WDR93: variants seen among roughly 807,000 people sequenced by gnomAD.
WDR93 encodes the protein WD repeat domain 93, also known as WD repeat-containing protein 93.
A neutral mutation model predicts 82.9 loss-of-function variants in WDR93; 73 were observed. The ratio of observed to expected loss-of-function variants is 0.88; its 90% CI spans 0.73 to 1.07. The LOEUF (loss-of-function observed/expected upper bound fraction) is 1.07, where lower values mean the gene tolerates loss of function less well. WDR93 is among the 50% of genes least tolerant of loss of function. WDR93 has a pLI of 0.00. For missense variants in WDR93, 738 were observed against 826.0 expected, an observed-to-expected ratio of 0.89 and a Z score of 1.31; for synonymous variants, 283 against 300.1, an observed-to-expected ratio of 0.94 and a Z score of 0.59.
At chr15:89,729,302 C>T (rs1011472872) in intron 10 of WDR93, among the ~76,000 whole-genome samples, 1 of 152,092 alleles carries the variant, frequency 6.6e-6, no homozygotes, top group Non-Finnish European at 1.5e-5. Context: ...GCTGGCACTG[C>T]CTTCAGGGAG....
At chr15:89,716,856 G>A (rs1452680790) in intron 6 of WDR93, 55 bp from the exon 7 acceptor site, 2 of 1,211,084 alleles carry the variant, frequency 1.7e-6, no homozygotes, top group East Asian at 4.9e-5. Context: ...GATTAAAGGG[G>A]GTGGTAAACA....
At chr15:89,702,573 C>T in intron 2 of WDR93, among the ~76,000 whole-genome samples, 1 of 151,640 alleles carries the variant, frequency 6.6e-6, no homozygotes. Context: ...GAGTTTCGCT[C>T]TTGTTGCCCA....
chr15:89,697,865 T>C (rs930563373), intron 1 of WDR93, among the ~76,000 whole-genome samples: 3 of 151,368 alleles, frequency 2.0e-5, no homozygotes, highest in Admixed American at 6.6e-5. Context: ...CTTGATCAAT[T>C]GACACTTTTA....
At chr15:89,742,243 A>AAATT (rs146275529) in intron 16 of WDR93, among the ~76,000 whole-genome samples, 5,462 of 152,134 alleles carry the variant, frequency 0.036, 365 homozygotes, top group African/African-American at 0.13. Context: ...TATAAATAAA[A>AAATT]AATTAATTAA....
rs368376283 is a variant in WDR93, at chr15:89,731,807, C to T, written c.1330+245C>T. Among the ~76,000 whole-genome samples the T allele has an allele frequency of 7.2e-5, 11 of 152,320 alleles. No individual in the cohort carries two copies. In the East Asian group the frequency reaches 1.5e-3, roughly 21 times the overall value. On this transcript the variant is annotated intron_variant, in intron 12 of 16. Coordinates refer to ENST00000268130, the MANE Select transcript of WDR93 (RefSeq NM_020212.2). The stretch of plus-strand genomic sequence containing the variant: ...TGACTTCTCTGAGCCTGGCACTGTA[C>T]TAGGCTCTGGAAGTATGATCATTGC...
intron 7 of WDR93, among the ~76,000 whole-genome samples, chr15:89,719,288 C>T (rs1308671031): frequency 3.9e-5 from 6 of 152,162 alleles, no homozygotes; most frequent in African/African-American, 1.4e-4. Context: ...ACATGTTGCT[C>T]AGGCTGGGCA....
At position 89,743,393 on chromosome 15, in the gene WDR93, G is replaced by A. The variant is rs761922891; in HGVS notation, c.*2G>A. 4 of 1,614,088 alleles carry A rather than the reference G, an allele frequency of 2.5e-6. No homozygotes were observed. The highest frequency in any genetic ancestry group is 3.4e-6 in the Non-Finnish European group (4 of 1,180,004). ...CAGAGAGAGAACTTCAAGAAGTGAG[G>A]CTGCCACCGCCCTGGGATCTCTGAA... On this transcript the variant is annotated 3_prime_UTR_variant, in exon 17 of 17. Coordinates refer to ENST00000268130, the MANE Select transcript of WDR93 (RefSeq NM_020212.2).
rs146584144 is a variant in WDR93 at position 89,736,670 on chromosome 15, G to A, written c.1609-903G>A. ...GAAAAACCAAGAACATGGTGGAGAC[G>A]AGTGGCTGAAGCTGGGAGACAGACG... On this transcript the variant is annotated intron_variant, in intron 14 of 16. Transcript: ENST00000268130. Among the ~76,000 whole-genome samples, 1,141 of 152,210 alleles carry A rather than the reference G, an allele frequency of 7.5e-3. 18 individuals carry two copies. Among genetic ancestry groups the A allele is most frequent in the African/African-American group, 0.026 (1,088 of 41,524 alleles).
At chr15:89,698,966 C>T (rs963368567) in intron 1 of WDR93, among the ~76,000 whole-genome samples, 1 of 152,182 alleles carries the variant, frequency 6.6e-6, no homozygotes, top group African/African-American at 2.4e-5. Context: ...TGGCTCACTG[C>T]AGCCTTGACC....
chr15:89,698,176 A>T (rs1261469330), intron 1 of WDR93, among the ~76,000 whole-genome samples: 1 of 151,986 alleles, frequency 6.6e-6, no homozygotes, highest in East Asian at 1.9e-4. Flanking sequence ...GAACCACTGC[A>T]CCCGGCCCAC....
intron 13 of WDR93, among the ~76,000 whole-genome samples, chr15:89,734,776 G>A (rs1201848265): frequency 6.6e-6 from 1 of 150,566 alleles, no homozygotes; most frequent in East Asian, 2.0e-4. Context: ...CTTGAGCTCA[G>A]GAGTTCAAGA....
intron 7 of WDR93, among the ~76,000 whole-genome samples, chr15:89,718,362 T>C (rs1320695728): frequency 1.3e-5 from 2 of 151,938 alleles, no homozygotes; most frequent in African/African-American, 4.8e-5. Context: ...TAATCTCAGC[T>C]ACTCAGGAGG....
Position 89,735,482 on chromosome 15 carries a change from T to C in WDR93, c.1545-8T>C. ...TAGGAGAATGTCTGTATATTTTCTG[T>C]CCTATAGGCCTGTAAAGCACCTGGA... On this transcript the variant is annotated splice_region_variant and splice_polypyrimidine_tract_variant and intron_variant, in intron 13 of 16. Coordinates refer to ENST00000268130, the MANE Select transcript of WDR93 (RefSeq NM_020212.2). 1 of 1,614,010 alleles carries C rather than the reference T, an allele frequency of 6.2e-7. No homozygotes were observed. The highest frequency in any genetic ancestry group is 1.1e-5 in the South Asian group (1 of 91,072).
At chr15:89,716,257 A>T (rs923697626) in intron 6 of WDR93, among the ~76,000 whole-genome samples, 2 of 152,190 alleles carry the variant, frequency 1.3e-5, no homozygotes, top group South Asian at 2.1e-4. Context: ...CACTTCTCAC[A>T]TACTGCCTAG....
chr15:89,693,195 A>T (rs767415338), intron 1 of WDR93, among the ~76,000 whole-genome samples: 62 of 152,234 alleles, frequency 4.1e-4, no homozygotes, highest in Non-Finnish European at 7.8e-4. Context: ...TTGATGTGAA[A>T]CATAAGTTTT....
chr15:89,728,925 TCTAA>T (rs1966839117), intron 9 of WDR93, 94 bp from the exon 10 acceptor site: 7 of 1,060,520 alleles, frequency 6.6e-6, no homozygotes, highest in Non-Finnish European at 1.0e-5. Flanking sequence ...GAAGGTCCAT[TCTAA>T]CTATCTATTC....
At chr15:89,740,256 T>G (rs1416960268) in intron 16 of WDR93, among the ~76,000 whole-genome samples, 1 of 152,190 alleles carries the variant, frequency 6.6e-6, no homozygotes, top group African/African-American at 2.4e-5. Context: ...ATAGCTCCTC[T>G]CCGCTTCCTA....
chr15:89,738,111 T>C lies in WDR93; in HGVS notation c.1836T>C (p.Phe612=). The C allele has an allele frequency of 1.2e-6, 2 of 1,614,176 alleles. No homozygotes were observed. The highest frequency in any genetic ancestry group is 1.7e-6 in the Non-Finnish European group (2 of 1,180,014). ...AATATTCTGTTTTCTATTTTAATTT[T>C]GAGGCCTGCCCACTCCTGGAAAATA... is the stretch of plus-strand genomic sequence containing the variant. The part of the protein sequence containing the change: ...GIQYSVFYFN[F]EACPLLENIS... Residue 612 remains phenylalanine, a synonymous_variant, in exon 16 of 17, where the codon TTT becomes TTC. Transcript: ENST00000268130.
At chr15:89,702,193 G>A (rs1420969780) in intron 2 of WDR93, 144 bp downstream of exon 2, 14 of 966,146 alleles carry the variant, frequency 1.4e-5, no homozygotes, top group East Asian at 2.6e-5. Flanking sequence ...GCATGCTGAT[G>A]TTGATTAAAA....
Sources: allele counts gnomAD v4.1 joint callset (sites outside exome capture counted in the v4.1 genomes callset), GRCh38; gene constraint gnomAD v4.1.1; transcripts MANE v1.5; gene names NCBI Gene and HGNC (gene_info 2026-07-23, HGNC 2026-07-21).